Variants in KBTBD3 observed in about 807,000 individuals in gnomAD.
The protein encoded by KBTBD3 is kelch repeat and BTB domain containing 3.
A neutral mutation model predicts 49.6 loss-of-function variants in KBTBD3; 38 were observed. The ratio of observed to expected loss-of-function variants is 0.77; its 90% CI spans 0.59 to 1.00. The LOEUF (loss-of-function observed/expected upper bound fraction) is 1.00, where lower values mean the gene tolerates loss of function less well. Ranked by LOEUF, KBTBD3 falls within the 50% of genes least tolerant of loss-of-function variation. The pLI is 0.00. For missense variants in KBTBD3, 661 were observed against 712.0 expected (o/e 0.93, Z 0.81); for synonymous variants, 214 against 250.4 (o/e 0.85, Z 1.37).
Position 106,059,069 on chromosome 11 carries a change from G to A in KBTBD3, c.29C>T (p.Ala10Val). 1 of 1,552,192 alleles carries A rather than the reference G, an allele frequency of 6.4e-7. No individual in the cohort carries two copies. The highest frequency in any genetic ancestry group is 8.6e-7 in the Non-Finnish European group (1 of 1,160,782). The change falls in exon 3 of 4, where the codon GCT becomes GTT. Residue 10 changes from alanine to valine, a missense_variant. By Grantham distance (64) the Ala-to-Val change is moderately conservative. Coordinates refer to ENST00000531837, the MANE Select transcript of KBTBD3 (RefSeq NM_198439.3). MELAMDNSYAFNQRSTCNGI... is the reference protein window; with the variant it reads MELAMDNSYVFNQRSTCNGI... ...ATTACATGTGCTTCGTTGATTGAAA[G>A]CATATGAATTATCCATAGCCAATTC...
In KBTBD3 at chr11:106,054,264, C is replaced by G. The variant is rs1348468685; in HGVS notation, c.425G>C (p.Ser142Thr). ...LQVSFLSKAC[S>T]DFLIKSINLV... ...ATTAATACTTTTTATTAAAAAGTCA[C>G]TGCAAGCTTTGGATAGGAAGGAAAC... The change falls in exon 4 of 4, where the codon AGT becomes ACT. Residue 142 changes from serine (S) to threonine (T), a missense_variant. Coordinates refer to ENST00000531837, the MANE Select transcript of KBTBD3 (RefSeq NM_198439.3). 3.7e-6 allele frequency: 6 copies of G among 1,612,476 alleles called. No homozygotes were observed. The highest frequency in any genetic ancestry group is 5.1e-6 in the Non-Finnish European group (6 of 1,179,208).
rs111643444 is a variant in KBTBD3, at chr11:106,058,098, A to T, written c.233+767T>A. 1,400 of 396,472 alleles carry T rather than the reference A, an allele frequency of 3.5e-3. 20 individuals are homozygous for T. Among genetic ancestry groups the T allele is most frequent in the African/African-American group, 0.026 (1,251 of 48,656 alleles). 24.6% of individuals were successfully genotyped at this position (396,472 alleles called of 1,614,324 possible). On this transcript the variant is annotated intron_variant, in intron 3 of 3. Transcript: ENST00000531837. ...GTCTTAAATTCTCTCCTACTAAAAAATCACGGCCCAGCGCAGTGGCTCACA... is the reference window on the plus strand; with the variant it reads ...GTCTTAAATTCTCTCCTACTAAAAATTCACGGCCCAGCGCAGTGGCTCACA...
chr11:106,068,693 G>A (rs553373372), intron 2 of KBTBD3, among the ~76,000 whole-genome samples: 12 of 151,906 alleles, frequency 7.9e-5, no homozygotes, highest in African/African-American at 2.4e-4. Context: ...ATTTTATGAA[G>A]TGAGTATTAC....
rs143991938 is a variant in KBTBD3, at chr11:106,053,237, A to G, written c.1452T>C (p.Asp484=). 24 of 1,613,732 alleles carry G rather than the reference A, an allele frequency of 1.5e-5. No homozygotes were observed. In the African/African-American group the frequency reaches 2.7e-4, roughly 18 times the overall value. The part of the protein sequence containing the change: ...DCFFKYNATT[D]QWSELVAEFG... ...ACTCTGCTACTAGTTCAGACCACTG[A>G]TCAGTTGTAGCATTGTATTTAAAAA... Residue 484 remains aspartate (D), a synonymous_variant, in exon 4 of 4, where the codon GAT becomes GAC. Transcript: ENST00000531837.
chr11:106,065,573 G>A (rs1397800404), intron 2 of KBTBD3, among the ~76,000 whole-genome samples: 1 of 152,172 alleles, frequency 6.6e-6, no homozygotes, highest in Non-Finnish European at 1.5e-5. Flanking sequence ...TGGGAAAAAA[G>A]TCACTGATAA....
intron 2 of KBTBD3, among the ~76,000 whole-genome samples, chr11:106,060,365 A>G (rs1364687844): frequency 3.3e-5 from 5 of 152,216 alleles, no homozygotes; most frequent in African/African-American, 1.2e-4. Context: ...AAGTTTCTTG[A>G]GAAGGGTTAC....
Position 106,052,978 on chromosome 11 carries a change from C to T in KBTBD3, c.1711G>A (p.Val571Ile). ...CATTCAGACCTGTTGCTGTGGTAGA[C>T]CTGCACTTCATCTGTGATTTCATCT... Reference protein sequence around the residue: ...APDEITDEVQVYHSNRSEWEE... With the variant: ...APDEITDEVQIYHSNRSEWEE... The change falls in exon 4 of 4, where the codon GTC (valine) becomes ATC (isoleucine). Residue 571 changes from valine (V) to isoleucine (I), a missense_variant. By Grantham distance (29) the Val-to-Ile change is conservative. Coordinates refer to ENST00000531837, the MANE Select transcript of KBTBD3 (RefSeq NM_198439.3). 2 of 1,613,786 alleles carry T rather than the reference C, an allele frequency of 1.2e-6. No homozygotes were observed. The highest frequency in any genetic ancestry group is 1.7e-6 in the Non-Finnish European group (2 of 1,179,778).
chr11:106,059,916 C>T (rs1860649691), intron 2 of KBTBD3, among the ~76,000 whole-genome samples: 1 of 152,130 alleles, frequency 6.6e-6, no homozygotes. Flanking sequence ...ATTTCTGTTC[C>T]AGTTATCACC....
At chr11:106,073,045 A>C (rs1257121397) in intron 2 of KBTBD3, among the ~76,000 whole-genome samples, 1 of 152,150 alleles carries the variant, frequency 6.6e-6, no homozygotes, top group Non-Finnish European at 1.5e-5. Context: ...AAAAGGGGTA[A>C]CAGGGAACAC....
rs138578492 is a variant in KBTBD3 at position 106,054,142 on chromosome 11, A to C, written c.547T>G (p.Leu183Val). ...AAGAAATCACTGGATTTAAATAATA[A>C]AGAAAAGTGATGTTGTACAAAGTGT... ...ALHFVQHHFS[L>V]LFKSSDFLEM... The change falls in exon 4 of 4, where the codon TTA becomes GTA. Residue 183 changes from leucine to valine, a missense_variant. By Grantham distance (32) the Leu-to-Val change is conservative. Coordinates refer to ENST00000531837, the MANE Select transcript of KBTBD3 (RefSeq NM_198439.3). The C allele has an allele frequency of 1.6e-4, 256 of 1,613,164 alleles. No individual in the cohort carries two copies. In the Middle Eastern group the frequency reaches 1.7e-3, roughly 10 times the overall value.
Position 106,053,870 on chromosome 11 carries a change from A to C in KBTBD3, c.819T>G (p.Asp273Glu), listed in dbSNP as rs1428253388. 8 of 1,614,030 alleles carry C rather than the reference A, an allele frequency of 5.0e-6. No homozygotes were observed. The highest frequency in any genetic ancestry group is 6.8e-6 in the Non-Finnish European group (8 of 1,179,934). ...CAGAACCTTGCACACACTTAATTGC[A>C]TCCATGATTATGTCAAAACAGTTTG... is the stretch of plus-strand genomic sequence containing the variant. ...KSTNCFDIIM[D>E]AIKCVQGSGG... The change falls in exon 4 of 4, where the codon GAT (aspartate) becomes GAG (glutamate). Residue 273 changes from aspartate to glutamate, a missense_variant. Transcript: ENST00000531837.
At chr11:106,065,539 G>T (rs1860792510) in intron 2 of KBTBD3, among the ~76,000 whole-genome samples, 1 of 152,196 alleles carries the variant, frequency 6.6e-6, no homozygotes. Flanking sequence ...GTATGAAGTT[G>T]TCACCTATAT....
intron 1 of KBTBD3, among the ~76,000 whole-genome samples, 194 bp from the exon 2 acceptor site, chr11:106,076,901 G>A (rs1861041828): frequency 6.6e-6 from 1 of 152,198 alleles, no homozygotes. Context: ...AACAGCACCT[G>A]GGTCGCTTCA....
chr11:106,057,167 G>C (rs1010968172), intron 3 of KBTBD3, among the ~76,000 whole-genome samples: 6 of 152,074 alleles, frequency 3.9e-5, no homozygotes, highest in Non-Finnish European at 8.8e-5. Context: ...GTATGTATCA[G>C]TAAATGTTTG....
intron 2 of KBTBD3, among the ~76,000 whole-genome samples, chr11:106,071,745 C>T (rs1403122731): frequency 6.6e-6 from 1 of 152,092 alleles, no homozygotes; most frequent in Admixed American, 6.6e-5. Flanking sequence ...CTAAATGGTT[C>T]ATCACTTATT....
intron 2 of KBTBD3, among the ~76,000 whole-genome samples, chr11:106,070,365 T>C (rs543008423): frequency 9.2e-5 from 14 of 151,892 alleles, no homozygotes; most frequent in African/African-American, 3.4e-4. Flanking sequence ...AATAAAGAAA[T>C]AATCTATAAA....
chr11:106,052,999 C>T lies in KBTBD3; in HGVS notation c.1690G>A (p.Glu564Lys). The change falls in exon 4 of 4, where the codon GAA (glutamate) becomes AAA (lysine). Residue 564 changes from glutamate (E) to lysine (K), a missense_variant. Glu to Lys is a moderately conservative substitution (Grantham distance 56). Coordinates refer to ENST00000531837, the MANE Select transcript of KBTBD3 (RefSeq NM_198439.3). ...YILGGDYAPD[E>K]ITDEVQVYHS... ...TAGACCTGCACTTCATCTGTGATTT[C>T]ATCTGGTGCATAATCACCACCTAAT... The T allele has an allele frequency of 6.2e-7, 1 of 1,613,778 alleles. No individual in the cohort carries two copies. The highest frequency in any genetic ancestry group is 8.5e-7 in the Non-Finnish European group (1 of 1,179,788).
chr11:106,073,544 A>C (rs761981937), intron 2 of KBTBD3, among the ~76,000 whole-genome samples: 6 of 152,248 alleles, frequency 3.9e-5, no homozygotes, highest in Non-Finnish European at 8.8e-5. Context: ...GCAAGTAAGC[A>C]GGGAGTTGGT....
In KBTBD3 at chr11:106,068,885, G is replaced by C. The variant is rs189536601; in HGVS notation, c.-13+7622C>G. 5.3e-5 allele frequency among the ~76,000 whole-genome samples: 8 copies of C among 152,246 alleles called. No individual in the cohort carries two copies. The East Asian group carries it at 1.5e-3, about 29-fold the overall frequency. ...TAAGTAAGTTTATCTAAGGATGTAAGGCTGTTTCAATATTTGAATACCGAT... is the reference window on the plus strand; with the variant it reads ...TAAGTAAGTTTATCTAAGGATGTAACGCTGTTTCAATATTTGAATACCGAT... On this transcript the variant is annotated intron_variant, in intron 2 of 3. Transcript: ENST00000531837.
Sources: gnomAD v4.1 joint callset for allele counts (sites outside exome capture counted in the v4.1 genomes callset) on GRCh38, gnomAD v4.1.1 for gene constraint, MANE v1.5 for transcripts, NCBI Gene and HGNC (gene_info 2026-07-23, HGNC 2026-07-21) for gene names.